The following ANXA8 variants were observed in gnomAD, a reference collection of about 807,000 sequenced individuals.
ANXA8 encodes annexin A8, also known as VAC-beta.
A neutral mutation model predicts 26.8 loss-of-function variants in ANXA8; 9 were observed. That is an observed-to-expected ratio of 0.34 (90% CI 0.20 to 0.59). The LOEUF (loss-of-function observed/expected upper bound fraction) is 0.59. ANXA8 is among the 20% of genes least tolerant of loss of function. The pLI, the probability that ANXA8 is intolerant of heterozygous loss-of-function variation, is 0.84. For missense variants in ANXA8, 83 were observed against 238.5 expected (o/e 0.35, Z 4.29); for synonymous variants, 39 against 94.8 (o/e 0.41, Z 3.42).
the ANXA8 span, among the ~76,000 whole-genome samples, chr10:47,659,337 TTAA>T: frequency 6.6e-6 from 1 of 151,794 alleles, no homozygotes; most frequent in Non-Finnish European, 1.5e-5. Flanking sequence ...AGAGAGAATA[TTAA>T]TGTTTGCCAA....
chr10:47,707,442 A>G, the ANXA8 span, among the ~76,000 whole-genome samples: 2 of 143,662 alleles, frequency 1.4e-5, no homozygotes, highest in African/African-American at 4.9e-5. Context: ...GCTGGAGTGC[A>G]GTGGCCTGAT....
At chr10:47,510,700 G>C in the ANXA8 span, among the ~76,000 whole-genome samples, 1 of 118,224 alleles carries the variant, frequency 8.5e-6, no homozygotes, top group Non-Finnish European at 1.7e-5. Flanking sequence ...CGTGGTAGCA[G>C]GCCCCTGTAG....
chr10:47,777,696 T>C, the ANXA8 span, among the ~76,000 whole-genome samples: 1 of 152,182 alleles, frequency 6.6e-6, no homozygotes, highest in Admixed American at 6.5e-5. Flanking sequence ...ATAGACATCT[T>C]TGGACCTTGG....
chr10:47,733,207 TTC>T, the ANXA8 span, among the ~76,000 whole-genome samples: 167 of 89,790 alleles, frequency 1.9e-3, no homozygotes, highest in African/African-American at 5.9e-3. Flanking sequence ...CTTTCTTTCT[TTC>T]TTTCTTTCTT....
the ANXA8 span, among the ~76,000 whole-genome samples, chr10:47,654,183 G>A: frequency 2.5e-3 from 378 of 150,512 alleles, 3 homozygotes; most frequent in African/African-American, 8.8e-3. Flanking sequence ...GTTGTCATGG[G>A]TTAAAACGTT....
chr10:47,958,579 C>T, the ANXA8 span, among the ~76,000 whole-genome samples: 1,312 of 148,250 alleles, frequency 8.8e-3, 1 homozygote, highest in Non-Finnish European at 0.011. Flanking sequence ...CTGATGGCTT[C>T]GCCTCCTCCT....
the ANXA8 span, chr10:47,565,867 C>G: frequency 9.8e-6 from 13 of 1,325,154 alleles, no homozygotes; most frequent in Admixed American, 3.3e-5. Context: ...GCTGGTCAGA[C>G]GAGCTGGCCC....
chr10:47,515,694 T>C, the ANXA8 span, among the ~76,000 whole-genome samples: 363 of 139,590 alleles, frequency 2.6e-3, 7 homozygotes, highest in African/African-American at 8.5e-3. Flanking sequence ...CAACTTTCTT[T>C]GCTAACTCTG....
chr10:47,967,981 A>AC, the ANXA8 span, among the ~76,000 whole-genome samples: 1 of 149,762 alleles, frequency 6.7e-6, no homozygotes, highest in African/African-American at 2.4e-5. Flanking sequence ...GCAAAAAAAA[A>AC]ACCTATATTA....
At chr10:47,615,408 A>G in the ANXA8 span, among the ~76,000 whole-genome samples, 1 of 70,188 alleles carries the variant, frequency 1.4e-5, no homozygotes, top group African/African-American at 4.2e-5. Flanking sequence ...AGCTCACATA[A>G]GAGAAATTAT....
At chr10:47,960,746 A>G in the ANXA8 span, among the ~76,000 whole-genome samples, 1 of 145,948 alleles carries the variant, frequency 6.9e-6, no homozygotes, top group Non-Finnish European at 1.5e-5. Context: ...TGTGTTGATC[A>G]TGCCCCCCCA....
the ANXA8 span, among the ~76,000 whole-genome samples, chr10:47,970,710 T>A: frequency 6.6e-6 from 1 of 151,444 alleles, no homozygotes; most frequent in East Asian, 1.9e-4. Flanking sequence ...TTTGAGAATT[T>A]TGGAACTGCC....
the ANXA8 span, among the ~76,000 whole-genome samples, chr10:47,707,167 C>CA: frequency 9.7e-5 from 12 of 124,134 alleles, 2 homozygotes; most frequent in East Asian, 6.1e-4. Context: ...CTGCAAACCT[C>CA]AAAAAAACAA....
chr10:47,684,428 G>C, the ANXA8 span, among the ~76,000 whole-genome samples: 5,274 of 150,972 alleles, frequency 0.035, 37 homozygotes, highest in African/African-American at 0.052. Flanking sequence ...TTTTTTGGGG[G>C]GGGGGTGAGG....
chr10:47,699,703 C>G, the ANXA8 span, among the ~76,000 whole-genome samples: 1 of 151,398 alleles, frequency 6.6e-6, no homozygotes, highest in East Asian at 1.9e-4. Flanking sequence ...TGGCACACAC[C>G]TGTGGTCCCA....
the ANXA8 span, among the ~76,000 whole-genome samples, chr10:47,651,797 G>A: frequency 1.3e-5 from 2 of 151,946 alleles, no homozygotes; most frequent in Admixed American, 6.6e-5. Context: ...GGGAGGCTGA[G>A]GCAGGAGAAT....
At chr10:47,619,693 A>G in the ANXA8 span, among the ~76,000 whole-genome samples, 4 of 115,920 alleles carry the variant, frequency 3.5e-5, 1 homozygote, top group African/African-American at 1.3e-4. Context: ...ACGTGTATTT[A>G]TTGACTTCCC....
At chr10:47,519,303 A>G in the ANXA8 span, among the ~76,000 whole-genome samples, 18 of 115,366 alleles carry the variant, frequency 1.6e-4, no homozygotes, top group African/African-American at 6.4e-4. Flanking sequence ...CCCTGTCTCT[A>G]CCAAAAATAC....
chr10:47,955,116 A>G, the ANXA8 span, among the ~76,000 whole-genome samples: 9 of 148,232 alleles, frequency 6.1e-5, no homozygotes. Flanking sequence ...ATAGTGAATA[A>G]ACCTCATGAG....
Sources: gnomAD v4.1 joint callset for allele counts (sites outside exome capture counted in the v4.1 genomes callset) on GRCh38, gnomAD v4.1.1 for gene constraint, MANE v1.5 for transcripts, NCBI Gene and HGNC (gene_info 2026-07-23, HGNC 2026-07-21) for gene names.